Variants in DDX54 observed in about 807,000 individuals in gnomAD.
DDX54 encodes the protein ATP-dependent RNA helicase DDX54.
In DDX54, 67 loss-of-function variants were observed where a neutral mutation model predicts 105.5. That is an observed-to-expected ratio of 0.64 (90% CI 0.52 to 0.78). The LOEUF is 0.78. Among genes scored for constraint, DDX54 ranks in the 30% least tolerant of loss-of-function variants. The pLI is 0.00. For synonymous variants in DDX54, 514 were observed against 509.9 expected (o/e 1.01, Z -0.11); for missense variants, 1,206 against 1,230.5 (o/e 0.98, Z 0.30).
Position 113,175,076 on chromosome 12 carries a change from G to A in DDX54, c.834C>T (p.Ser278=), listed in dbSNP as rs751506364. 31 of 1,613,868 alleles carry A rather than the reference G, an allele frequency of 1.9e-5. No individual in the cohort carries two copies. Among genetic ancestry groups the A allele is most frequent in the East Asian group, 1.3e-4 (6 of 44,902 alleles). The change falls in exon 8 of 20, where the codon TCC becomes TCT. Residue 278 remains serine (S), a synonymous_variant. Coordinates refer to ENST00000306014, the MANE Select transcript of DDX54 (RefSeq NM_024072.4). The part of the protein sequence containing the change: ...LPGGHQTVLF[S]ATLPKLLVEF... ...CCACCAGCAGTTTGGGCAGCGTGGCGGAGAACAGCACCGTCTGGTGGCCCC... is the reference window on the plus strand; with the variant it reads ...CCACCAGCAGTTTGGGCAGCGTGGCAGAGAACAGCACCGTCTGGTGGCCCC...
At chr12:113,166,388 C>T (rs1358035883) in intron 12 of DDX54, among the ~76,000 whole-genome samples, 1 of 151,184 alleles carries the variant, frequency 6.6e-6, no homozygotes, top group Non-Finnish European at 1.5e-5. Flanking sequence ...AGAATATGTA[C>T]TATCCGGCTC....
rs376718361 is a variant in DDX54, at chr12:113,159,020, G to A, written c.2503C>T (p.Arg835Trp). The change falls in exon 20 of 20, where the codon CGG (arginine) becomes TGG (tryptophan). Residue 835 changes from arginine to tryptophan, a missense_variant. Arg to Trp is a moderately radical substitution (Grantham distance 101). This residue lies in a region of DDX54 where 961 missense variants were observed against 1,019.1 expected (regional missense o/e 0.94). Coordinates refer to ENST00000306014, the MANE Select transcript of DDX54 (RefSeq NM_024072.4). ...TGCAGGAAGTGCAGCTTCTGGGCCC[G>A]GCGCCGCTGCTTCAGGATCTGCTGC... is the stretch of plus-strand genomic sequence containing the variant. ...TKQQILKQRR[R>W]AQKLHFLQRG... is the part of the protein sequence containing the mutation. 8 of 1,611,640 alleles carry A rather than the reference G, an allele frequency of 5.0e-6. No homozygotes were observed. Among genetic ancestry groups the A allele is most frequent in the Middle Eastern group, 1.7e-4 (1 of 6,020 alleles).
rs200851820 is a variant in DDX54 at position 113,176,834 on chromosome 12, C to T, written c.752+6G>A. ...CAAGTGCTCAGGGCTGGACCTGCAG[C>T]CTTACCGGTCAGCTTCATCGAACAC... On this transcript the variant is annotated splice_donor_region_variant and intron_variant, in intron 7 of 19. Coordinates refer to ENST00000306014, the MANE Select transcript of DDX54 (RefSeq NM_024072.4). The T allele has an allele frequency of 1.7e-5, 28 of 1,613,830 alleles. No homozygotes were observed. In the Middle Eastern group the frequency reaches 4.9e-4, roughly 28 times the overall value.
At chr12:113,180,895 T>C (rs1395783638) in intron 2 of DDX54, 34 bp downstream of exon 2, 1 of 1,611,734 alleles carries the variant, frequency 6.2e-7, no homozygotes, top group Non-Finnish European at 8.5e-7. Context: ...CAGCTGCCAC[T>C]CCCGCAGAGT....
At chr12:113,162,027 G>C in intron 17 of DDX54, 30 bp from the exon 18 acceptor site, 1 of 1,605,992 alleles carries the variant, frequency 6.2e-7, no homozygotes, top group South Asian at 1.1e-5. Context: ...GACGGCTGCC[G>C]TGGAGGGAAA....
intron 2 of DDX54, 23 bp from the exon 3 acceptor site, chr12:113,180,028 AG>A: frequency 3.7e-6 from 6 of 1,613,602 alleles, no homozygotes; most frequent in Non-Finnish European, 5.1e-6. Flanking sequence ...TGAAACGGTC[AG>A]GGGGCCGAGG....
At chr12:113,181,292 ATT>A (rs771201541) in intron 1 of DDX54, among the ~76,000 whole-genome samples, 40 of 139,270 alleles carry the variant, frequency 2.9e-4, no homozygotes, top group Admixed American at 2.9e-4. Flanking sequence ...AAGTAAGTAC[ATT>A]TTTTTTTTTT....
chr12:113,169,592 G>T (rs1157742091), intron 12 of DDX54, among the ~76,000 whole-genome samples, 178 bp downstream of exon 12: 2 of 152,198 alleles, frequency 1.3e-5, no homozygotes, highest in African/African-American at 4.8e-5. Context: ...CTGCACCCCA[G>T]CCTGGGCAAC....
At chr12:113,169,470 A>C (rs1465890875) in intron 12 of DDX54, among the ~76,000 whole-genome samples, 1 of 151,694 alleles carries the variant, frequency 6.6e-6, no homozygotes, top group Non-Finnish European at 1.5e-5. Flanking sequence ...TACAATAAAA[A>C]ATTTGCCAGG....
rs375024724 is a variant in DDX54 at position 113,172,341 on chromosome 12, C to T, written c.1279+12G>A. On this transcript the variant is annotated intron_variant, in intron 11 of 19. Transcript: ENST00000306014. Reference sequence around the variant, plus strand: ...CCCCTGCCTGCCCCAGGGCCAGCCACGGGCTGCTTACCCACGCGGTGCAGG... The same window carrying T: ...CCCCTGCCTGCCCCAGGGCCAGCCATGGGCTGCTTACCCACGCGGTGCAGG... 2.1e-5 allele frequency: 34 copies of T among 1,611,498 alleles called. No homozygotes were observed. Among genetic ancestry groups the T allele is most frequent in the African/African-American group, 1.1e-4 (8 of 74,878 alleles).
In DDX54 at chr12:113,163,704, T is replaced by A. The variant is rs891316517; in HGVS notation, c.1938+363A>T. ...CCAAACAAAACATGAGAGAGGGACA[T>A]CCTGGGGGACGCACAGGCCCAGGAC... On this transcript the variant is annotated intron_variant, in intron 15 of 19. Transcript: ENST00000306014. This position sits in a 1 kb window ranked among gnomAD's most constrained non-coding sequence, Gnocchi z 5.9. Among the ~76,000 whole-genome samples the A allele has an allele frequency of 1.3e-5, 2 of 151,998 alleles. No homozygotes were observed. The highest frequency in any genetic ancestry group is 4.8e-5 in the African/African-American group (2 of 41,362).
At chr12:113,180,073 C>T (rs2136326367) in intron 2 of DDX54, 68 bp from the exon 3 acceptor site, 1 of 1,452,698 alleles carries the variant, frequency 6.9e-7, no homozygotes, top group Non-Finnish European at 9.7e-7. Flanking sequence ...GAGAACTTTA[C>T]AGGACAAATG....
chr12:113,173,737 GGACAGGCTTCAAAATAACCC>G (rs1208867688), intron 10 of DDX54, among the ~76,000 whole-genome samples: 2 of 152,144 alleles, frequency 1.3e-5, no homozygotes, highest in Non-Finnish European at 2.9e-5. Flanking sequence ...AGGATGGCAG[GGACAGGCTTCAAAATAACCC>G]GGATGTAAGG....
chr12:113,171,418 A>G (rs375305946), intron 11 of DDX54, among the ~76,000 whole-genome samples: 78 of 152,172 alleles, frequency 5.1e-4, no homozygotes, highest in African/African-American at 1.8e-3. Flanking sequence ...CTTGGCCAAC[A>G]TGGTGAAACC....
rs1440619941 is a variant in DDX54 at position 113,158,562 on chromosome 12, C to T, written c.*315G>A. On this transcript the variant is annotated 3_prime_UTR_variant, in exon 20 of 20. Transcript: ENST00000306014. This position sits in a 1 kb window ranked among gnomAD's most constrained non-coding sequence, Gnocchi z 4.9. ...ACCCTGAGGCACTCAGGGCTCTGACCGGTGCAGCCATGACCTCTGAACCCA... is the reference window on the plus strand; with the variant it reads ...ACCCTGAGGCACTCAGGGCTCTGACTGGTGCAGCCATGACCTCTGAACCCA... The T allele has an allele frequency of 1.6e-5, 5 of 308,272 alleles. No homozygotes were observed. Among genetic ancestry groups the T allele is most frequent in the East Asian group, 5.7e-5 (1 of 17,502 alleles). The allele number at this position is 308,272 out of a possible 1,614,324, so 19.1% of individuals were successfully genotyped here. A position where few individuals can be genotyped will look rare whatever the true frequency, so the allele number is the denominator to read the frequency against.
At chr12:113,175,469 C>T (rs1465134003) in intron 7 of DDX54, among the ~76,000 whole-genome samples, 1 of 152,182 alleles carries the variant, frequency 6.6e-6, no homozygotes, top group South Asian at 2.1e-4. Context: ...ACACCCTAGG[C>T]GAGATCCCAT....
intron 1 of DDX54, among the ~76,000 whole-genome samples, chr12:113,184,132 G>A (rs1251438569): frequency 6.6e-6 from 1 of 152,152 alleles, no homozygotes; most frequent in Non-Finnish European, 1.5e-5. Flanking sequence ...TTTTAGTAGA[G>A]ACAGGGTTTC....
intron 3 of DDX54, 71 bp from the exon 4 acceptor site, chr12:113,179,402 C>T (rs1952440453): frequency 1.3e-6 from 2 of 1,535,586 alleles, no homozygotes; most frequent in Non-Finnish European, 1.8e-6. Flanking sequence ...AGCTTCAAGG[C>T]CCTGAGGAGT....
chr12:113,169,671 T>C, intron 12 of DDX54, 99 bp downstream of exon 12: 1 of 1,356,502 alleles, frequency 7.4e-7, no homozygotes, highest in Non-Finnish European at 1.0e-6. Flanking sequence ...AAAGGAATCA[T>C]CTTCTGCTGG....
Sources: allele counts gnomAD v4.1 joint callset (sites outside exome capture counted in the v4.1 genomes callset), GRCh38; gene constraint gnomAD v4.1.1; regional missense constraint gnomAD v4.1.1; non-coding constraint Gnocchi (gnomAD v3.1); transcripts MANE v1.5; gene names NCBI Gene and HGNC (gene_info 2026-07-23, HGNC 2026-07-21).